Variants in KCNIP4 observed in about 807,000 individuals in gnomAD.
KCNIP4 encodes potassium voltage-gated channel interacting protein 4.
Under a neutral mutation model 34.0 loss-of-function variants are expected in KCNIP4, and 12 were observed. That is an observed-to-expected ratio of 0.35 (90% CI 0.23 to 0.57). The LOEUF (loss-of-function observed/expected upper bound fraction) is 0.57. Among genes scored for constraint, KCNIP4 ranks in the 20% least tolerant of loss-of-function variants. KCNIP4 has a pLI of 0.83. For synonymous variants in KCNIP4, 124 were observed against 102.2 expected (o/e 1.21, Z -1.29); for missense variants, 238 against 311.7 (o/e 0.76, Z 1.78).
chr4:21,782,877 G>A (rs1158324421), intron 1 of KCNIP4, among the ~76,000 whole-genome samples: 1 of 152,038 alleles, frequency 6.6e-6, no homozygotes, highest in East Asian at 1.9e-4. Flanking sequence ...CAACCTAGAT[G>A]GATCTCAAAG....
intron 1 of KCNIP4, among the ~76,000 whole-genome samples, chr4:21,521,031 C>A (rs1264323765): frequency 6.6e-6 from 1 of 152,072 alleles, no homozygotes; most frequent in Non-Finnish European, 1.5e-5. Context: ...ATCACTGCAT[C>A]TTCTTCAATT....
intron 1 of KCNIP4, among the ~76,000 whole-genome samples, chr4:21,760,361 C>A (rs1717961678): frequency 6.6e-6 from 1 of 152,052 alleles, no homozygotes; most frequent in South Asian, 2.1e-4. Flanking sequence ...AGGGAAAACG[C>A]CCAATCCCAC....
At chr4:21,806,096 T>G (rs1057297638) in intron 1 of KCNIP4, among the ~76,000 whole-genome samples, 1 of 152,212 alleles carries the variant, frequency 6.6e-6, no homozygotes, top group Non-Finnish European at 1.5e-5. Flanking sequence ...AAGGGTTTTT[T>G]CTGCCTTTCA....
chr4:20,985,193 G>GC (rs1238679840), intron 1 of KCNIP4, among the ~76,000 whole-genome samples: 1 of 152,126 alleles, frequency 6.6e-6, no homozygotes, highest in Non-Finnish European at 1.5e-5. Flanking sequence ...CTTCTTTCTT[G>GC]CTATGTGATC....
intron 1 of KCNIP4, among the ~76,000 whole-genome samples, chr4:21,106,225 CT>C (rs201664026): frequency 0.28 from 42,605 of 151,180 alleles, 6,841 homozygotes; most frequent in African/African-American, 0.41. Flanking sequence ...CCATCTGGTC[CT>C]GGACTCTTTG....
intron 1 of KCNIP4, among the ~76,000 whole-genome samples, chr4:21,099,603 C>G (rs925262553): frequency 6.6e-6 from 1 of 151,814 alleles, no homozygotes; most frequent in African/African-American, 2.4e-5. Context: ...CGCACATATA[C>G]CATGGAACTT....
chr4:21,476,997 G>C (rs555564944), intron 1 of KCNIP4, among the ~76,000 whole-genome samples: 15 of 152,232 alleles, frequency 9.9e-5, no homozygotes, highest in Admixed American at 9.2e-4. Flanking sequence ...TATGGTCCCT[G>C]ACCTTAAGGA....
At chr4:21,089,205 G>C (rs1284438970) in intron 1 of KCNIP4, among the ~76,000 whole-genome samples, 5 of 152,124 alleles carry the variant, frequency 3.3e-5, no homozygotes, top group African/African-American at 1.2e-4. Context: ...TTAGATCATG[G>C]GGGTGGACTT....
intron 1 of KCNIP4, among the ~76,000 whole-genome samples, chr4:21,726,428 G>A (rs113322707): frequency 0.015 from 2,243 of 152,274 alleles, 19 homozygotes; most frequent in Middle Eastern, 0.024. Context: ...TAAGTCTCAC[G>A]TAGCAGAGGA....
chr4:20,868,029 A>T (rs1039878112), intron 2 of KCNIP4, among the ~76,000 whole-genome samples: 5 of 152,092 alleles, frequency 3.3e-5, no homozygotes, highest in Admixed American at 2.0e-4. Context: ...AATAATAAAA[A>T]AAAGAAGCTA....
intron 1 of KCNIP4, among the ~76,000 whole-genome samples, chr4:21,059,628 G>A (rs1336690968): frequency 6.6e-6 from 1 of 152,076 alleles, no homozygotes; most frequent in Non-Finnish European, 1.5e-5. Flanking sequence ...TATTTTTAAG[G>A]AAAGTGTATT....
At chr4:21,809,331 G>T (rs1038237103) in intron 1 of KCNIP4, among the ~76,000 whole-genome samples, 1 of 152,058 alleles carries the variant, frequency 6.6e-6, no homozygotes. Context: ...AGACTCAAAG[G>T]CTCACCCCAG....
chr4:21,391,845 G>T (rs1560360177), intron 1 of KCNIP4, among the ~76,000 whole-genome samples: 2 of 152,112 alleles, frequency 1.3e-5, no homozygotes, highest in Non-Finnish European at 2.9e-5. Context: ...CAGTACTGCT[G>T]TGTAAGTGTG....
At chr4:21,603,595 T>C (rs1456789987) in intron 1 of KCNIP4, among the ~76,000 whole-genome samples, 1 of 152,082 alleles carries the variant, frequency 6.6e-6, no homozygotes, top group Admixed American at 6.6e-5. Flanking sequence ...CCTTGCCGGC[T>C]AAGCTAAAAT....
chr4:21,383,556 C>T (rs761208186), intron 1 of KCNIP4, among the ~76,000 whole-genome samples: 1 of 150,046 alleles, frequency 6.7e-6, no homozygotes, highest in African/African-American at 2.4e-5. Context: ...CATGCAATTA[C>T]TCATGCAAAA....
intron 1 of KCNIP4, among the ~76,000 whole-genome samples, chr4:21,300,834 A>G (rs971888482): frequency 6.6e-6 from 1 of 152,128 alleles, no homozygotes; most frequent in Non-Finnish European, 1.5e-5. Context: ...AAATTCTCAA[A>G]TTTTAATTTC....
intron 1 of KCNIP4, among the ~76,000 whole-genome samples, chr4:21,470,779 C>A (rs556446015): frequency 6.6e-6 from 1 of 151,924 alleles, no homozygotes; most frequent in Non-Finnish European, 1.5e-5. Context: ...CAAGAGAATT[C>A]TTGGCCAAAC....
intron 3 of KCNIP4, among the ~76,000 whole-genome samples, chr4:20,791,140 A>G (rs889708751): frequency 6.6e-6 from 1 of 152,204 alleles, no homozygotes; most frequent in Non-Finnish European, 1.5e-5. Flanking sequence ...TGCAAGTTAG[A>G]AGACAATAGA....
chr4:21,096,600 TA>T (rs1362672820), intron 1 of KCNIP4, among the ~76,000 whole-genome samples: 1 of 152,182 alleles, frequency 6.6e-6, no homozygotes, highest in Non-Finnish European at 1.5e-5. Context: ...TACAAAGCAC[TA>T]AAGTTGGTTC....
Sources: gnomAD v4.1 joint callset for allele counts (sites outside exome capture counted in the v4.1 genomes callset) on GRCh38, gnomAD v4.1.1 for gene constraint, MANE v1.5 for transcripts, NCBI Gene and HGNC (gene_info 2026-07-23, HGNC 2026-07-21) for gene names.